TEC: variants seen among roughly 807,000 people sequenced by gnomAD.
TEC encodes tec protein tyrosine kinase.
Under a neutral mutation model 93.0 loss-of-function variants are expected in TEC, and 72 were observed. The observed-to-expected ratio is 0.77, with a 90% CI of 0.64 to 0.94. The LOEUF (loss-of-function observed/expected upper bound fraction) is 0.94, where lower values mean the gene tolerates loss of function less well. Among genes scored for constraint, TEC ranks in the 40% least tolerant of loss-of-function variants. The pLI is 0.00. For synonymous variants in TEC, 249 were observed against 247.7 expected, an observed-to-expected ratio of 1.01 and a Z score of -0.05; for missense variants, 630 against 757.9, an observed-to-expected ratio of 0.83 and a Z score of 1.98.
chr4:48,252,491 T>C (rs937633631), intron 1 of TEC, among the ~76,000 whole-genome samples: 2 of 152,240 alleles, frequency 1.3e-5, no homozygotes, highest in African/African-American at 4.8e-5. Context: ...GTTCTGTCCC[T>C]GGTTCTGCAA....
At chr4:48,173,766 C>T (rs1453194499) in intron 3 of TEC, among the ~76,000 whole-genome samples, 1 of 152,166 alleles carries the variant, frequency 6.6e-6, no homozygotes, top group African/African-American at 2.4e-5. Flanking sequence ...AAAAGGTAGA[C>T]AGATCTGGGT....
At chr4:48,183,806 TTC>T in intron 2 of TEC, among the ~76,000 whole-genome samples, 1 of 152,194 alleles carries the variant, frequency 6.6e-6, no homozygotes, top group Middle Eastern at 3.2e-3. Flanking sequence ...ATCCTATTGG[TTC>T]TGTTTCTCTA....
intron 2 of TEC, among the ~76,000 whole-genome samples, chr4:48,186,745 C>A (rs1351800533): frequency 6.6e-6 from 1 of 150,520 alleles, no homozygotes; most frequent in Non-Finnish European, 1.5e-5. Flanking sequence ...CCCGGTCAGC[C>A]GCCCCGTCCG....
chr4:48,258,145 G>GTT (rs56341256), intron 1 of TEC, among the ~76,000 whole-genome samples: 59,707 of 139,642 alleles, frequency 0.43, 12,719 homozygotes, highest in East Asian at 0.5. Flanking sequence ...TGTTTTTTTG[G>GTT]TTTTTTTTTT....
chr4:48,177,493 T>A (rs1257315696), intron 2 of TEC, among the ~76,000 whole-genome samples: 1 of 152,190 alleles, frequency 6.6e-6, no homozygotes, highest in Non-Finnish European at 1.5e-5. Flanking sequence ...CCCACCCCAC[T>A]CCCAGGAACC....
At chr4:48,171,234 A>G (rs1721099493) in intron 4 of TEC, 134 bp downstream of exon 4, 3 of 701,808 alleles carry the variant, frequency 4.3e-6, no homozygotes, top group Non-Finnish European at 4.6e-6. Context: ...ACAACAGCAT[A>G]TCCTTGGAGA....
At chr4:48,227,168 G>A (rs1403845383) in intron 2 of TEC, among the ~76,000 whole-genome samples, 1 of 152,124 alleles carries the variant, frequency 6.6e-6, no homozygotes, top group Admixed American at 6.5e-5. Context: ...ACATGAACCT[G>A]CAGAATACCA....
intron 2 of TEC, among the ~76,000 whole-genome samples, chr4:48,196,760 C>T (rs946156441): frequency 4.6e-5 from 7 of 152,204 alleles, no homozygotes; most frequent in Non-Finnish European, 1.0e-4. Flanking sequence ...GTAATAGAAA[C>T]GACCAGTGTC....
intron 15 of TEC, among the ~76,000 whole-genome samples, chr4:48,139,534 T>C (rs1409755723): frequency 6.6e-6 from 1 of 152,112 alleles, no homozygotes; most frequent in Non-Finnish European, 1.5e-5. Context: ...CAACACAAAA[T>C]GCCACATGTA....
chr4:48,184,768 A>AC (rs1190852276), intron 2 of TEC, among the ~76,000 whole-genome samples: 1,734 of 96,950 alleles, frequency 0.018, 36 homozygotes, highest in African/African-American at 0.055. Flanking sequence ...AGACAAAAAA[A>AC]ATACACACAC....
At chr4:48,256,594 C>CAAA (rs34792955) in intron 1 of TEC, among the ~76,000 whole-genome samples, 2 of 61,708 alleles carry the variant, frequency 3.2e-5, no homozygotes, top group African/African-American at 5.6e-5. Context: ...GACCTTGTCT[C>CAAA]AAAAAAAAAA....
intron 1 of TEC, among the ~76,000 whole-genome samples, chr4:48,252,111 T>C (rs1724219813): frequency 6.6e-6 from 1 of 152,244 alleles, no homozygotes; most frequent in Non-Finnish European, 1.5e-5. Flanking sequence ...GCTCTGCTCC[T>C]TATTAGTTGT....
intron 1 of TEC, among the ~76,000 whole-genome samples, chr4:48,232,793 A>C (rs1490718987): frequency 5.3e-5 from 8 of 152,242 alleles, no homozygotes; most frequent in Non-Finnish European, 1.0e-4. Flanking sequence ...ACTGGAAAAC[A>C]AATAAATATG....
chr4:48,192,343 G>C (rs1722121295), intron 2 of TEC, among the ~76,000 whole-genome samples: 1 of 152,162 alleles, frequency 6.6e-6, no homozygotes, highest in Admixed American at 6.5e-5. Context: ...ACCTAGGGAT[G>C]GTGGGCATGA....
intron 9 of TEC, among the ~76,000 whole-genome samples, chr4:48,152,435 CATAAATAAATAAATAA>C (rs3062030): frequency 8.0e-4 from 120 of 149,724 alleles, no homozygotes; most frequent in Middle Eastern, 3.4e-3. Flanking sequence ...GAGATACTAT[CATAAATAAATAAATAA>C]ATAAATAAAT....
chr4:48,269,069 C>A (rs1426348304), intron 1 of TEC, among the ~76,000 whole-genome samples: 1 of 116,760 alleles, frequency 8.6e-6, no homozygotes, highest in Admixed American at 1.0e-4. Context: ...CACCTGTTTT[C>A]AATATTCAAA....
At chr4:48,193,426 T>C (rs756604858) in intron 2 of TEC, among the ~76,000 whole-genome samples, 1 of 152,156 alleles carries the variant, frequency 6.6e-6, no homozygotes, top group Non-Finnish European at 1.5e-5. Flanking sequence ...TTCCTGGAAA[T>C]AATCCCAGAC....
chr4:48,164,822 C>T (rs565856784), intron 7 of TEC, among the ~76,000 whole-genome samples: 10 of 152,014 alleles, frequency 6.6e-5, no homozygotes, highest in African/African-American at 2.2e-4. Flanking sequence ...GCCAACATGG[C>T]GAAACCCTAT....
chr4:48,262,953 T>C (rs1312673814), intron 1 of TEC, among the ~76,000 whole-genome samples: 1 of 152,226 alleles, frequency 6.6e-6, no homozygotes, highest in Non-Finnish European at 1.5e-5. Context: ...TTAGGAACAA[T>C]TATCCTCCTA....
Sources: allele counts gnomAD v4.1 joint callset (sites outside exome capture counted in the v4.1 genomes callset), GRCh38; gene constraint gnomAD v4.1.1; transcripts MANE v1.5; gene names NCBI Gene and HGNC (gene_info 2026-07-23, HGNC 2026-07-21).